Variants in C8orf76 observed in about 807,000 individuals in gnomAD.
The protein encoded by C8orf76 is uncharacterized protein C8orf76.
Under a neutral mutation model 38.1 loss-of-function variants are expected in C8orf76, and 46 were observed. The observed-to-expected ratio is 1.21, with a 90% CI of 0.95 to 1.54. The LOEUF (loss-of-function observed/expected upper bound fraction) is 1.54, where lower values mean the gene tolerates loss of function less well. Among genes scored for constraint, C8orf76 ranks in the 40% most tolerant of loss-of-function variants. C8orf76 has a pLI of 0.00. For missense variants in C8orf76, 461 were observed against 441.6 expected (o/e 1.04, Z -0.39); for synonymous variants, 166 against 167.5 (o/e 0.99, Z 0.07).
In C8orf76 at chr8:123,231,776, G is replaced by T; in HGVS notation, c.358-19C>A. On this transcript the variant is annotated intron_variant, in intron 3 of 5. Coordinates refer to ENST00000276704, the MANE Select transcript of C8orf76 (RefSeq NM_032847.3). ...TATTTTCCTAAGGAGAAAAAAAAAA[G>T]GTTAAGAAGTTTAAACTTCAAAGCA... The T allele has an allele frequency of 6.5e-7, 1 of 1,534,028 alleles. No homozygotes were observed.
rs116312997 is a variant in C8orf76, at chr8:123,221,466, C to T, written c.949-1169G>A. 6.2e-3 allele frequency among the ~76,000 whole-genome samples: 950 copies of T among 152,254 alleles called. 9 individuals are homozygous for T. Among genetic ancestry groups the T allele is most frequent in the African/African-American group, 0.022 (907 of 41,558 alleles). On this transcript the variant is annotated intron_variant, in intron 5 of 5. Transcript: ENST00000276704. ...GTATCATTTTTTTGAGTCAGAGTCT[C>T]GCTCTGTAGCCCAGGATGGAGTACA... is the stretch of plus-strand genomic sequence containing the variant.
intron 5 of C8orf76, among the ~76,000 whole-genome samples, chr8:123,221,994 T>C (rs917045282): frequency 6.6e-6 from 1 of 152,018 alleles, no homozygotes; most frequent in Non-Finnish European, 1.5e-5. Context: ...TTTTCTTTTT[T>C]TTGGGGGGCG....
intron 4 of C8orf76, among the ~76,000 whole-genome samples, chr8:123,229,130 T>C (rs971040384): frequency 6.6e-6 from 1 of 152,242 alleles, no homozygotes; most frequent in Non-Finnish European, 1.5e-5. Flanking sequence ...GACAACACTG[T>C]TCTAGAACGG....
Position 123,241,233 on chromosome 8 carries a change from C to A in C8orf76, c.114G>T (p.Pro38=). ...CGAAGAGGCCCCAGCTTCTCACCTG[C>A]GGCTCGCAGAGCTTGGCGCAGTAGG... ...PASYCAKLCE[P]QWFYEETESS... is the part of the protein sequence containing the mutation. The change falls in exon 1 of 6, where the codon CCG becomes CCT. Residue 38 remains proline, a synonymous_variant. Coordinates refer to ENST00000276704, the MANE Select transcript of C8orf76 (RefSeq NM_032847.3). The A allele has an allele frequency of 6.3e-7, 1 of 1,585,826 alleles. No homozygotes were observed. Among genetic ancestry groups the A allele is most frequent in the South Asian group, 1.1e-5 (1 of 89,482 alleles).
chr8:123,236,579 T>C (rs1158513167), intron 3 of C8orf76, among the ~76,000 whole-genome samples: 1 of 152,056 alleles, frequency 6.6e-6, no homozygotes, highest in African/African-American at 2.4e-5. Context: ...ACAAGGTCAG[T>C]TTGAGACCAG....
At chr8:123,234,741 C>T (rs961634976) in intron 3 of C8orf76, among the ~76,000 whole-genome samples, 2 of 151,824 alleles carry the variant, frequency 1.3e-5, no homozygotes, top group African/African-American at 4.8e-5. Flanking sequence ...TGCACTCCAG[C>T]CTGGGCGACA....
At chr8:123,241,120 C>T in intron 1 of C8orf76, 110 bp downstream of exon 1, 1 of 1,119,082 alleles carries the variant, frequency 8.9e-7, no homozygotes, top group Non-Finnish European at 1.2e-6. Context: ...GGCGCTGGAG[C>T]CTGCCAGGGT....
intron 5 of C8orf76, among the ~76,000 whole-genome samples, chr8:123,221,138 G>A (rs1014065826): frequency 6.6e-6 from 1 of 152,166 alleles, no homozygotes; most frequent in Admixed American, 6.6e-5. Flanking sequence ...CTCAAATAAT[G>A]GTTTTGCGGA....
At position 123,237,854 on chromosome 8, in the gene C8orf76, G is replaced by T; in HGVS notation, c.301C>A (p.Arg101=). ...TGCCTACCCAGGTGAGCCAGACACCGAGCCTGACCTTCCTGGACATCCCTT... is the reference window on the plus strand; with the variant it reads ...TGCCTACCCAGGTGAGCCAGACACCTAGCCTGACCTTCCTGGACATCCCTT... ...MKRDVQEGQA[R]CLAHLGRHME... The change falls in exon 3 of 6, where the codon CGG becomes AGG. Residue 101 remains arginine, a synonymous_variant. Transcript: ENST00000276704. 1 of 1,614,082 alleles carries T rather than the reference G, an allele frequency of 6.2e-7. No individual in the cohort carries two copies. Among genetic ancestry groups the T allele is most frequent in the South Asian group, 1.1e-5 (1 of 91,076 alleles).
At chr8:123,226,655 T>C (rs766286969) in intron 4 of C8orf76, 23 bp from the exon 5 acceptor site, 7 of 1,577,564 alleles carry the variant, frequency 4.4e-6, no homozygotes, top group Non-Finnish European at 5.1e-6. Flanking sequence ...AAAGTCTCAA[T>C]GCGTGGCGAA....
chr8:123,221,065 TCCTGCAAA>T (rs1824884881), intron 5 of C8orf76, among the ~76,000 whole-genome samples: 1 of 152,216 alleles, frequency 6.6e-6, no homozygotes, highest in Admixed American at 6.5e-5. Flanking sequence ...TCTCCAAGGT[TCCTGCAAA>T]CCCGGATATT....
At chr8:123,224,946 G>A (rs145377860) in intron 5 of C8orf76, among the ~76,000 whole-genome samples, 207 of 152,214 alleles carry the variant, frequency 1.4e-3, no homozygotes, top group Non-Finnish European at 1.8e-4. Context: ...AGAATATTCC[G>A]GAAAAGCTTC....
Position 123,226,611 on chromosome 8 carries a change from T to C in C8orf76, c.837A>G (p.Gln279=). The C allele has an allele frequency of 1.3e-6, 2 of 1,599,636 alleles. No homozygotes were observed. The highest frequency in any genetic ancestry group is 1.7e-6 in the Non-Finnish European group (2 of 1,176,668). The change falls in exon 5 of 6, where the codon CAA becomes CAG. Residue 279 remains glutamine (Q), a synonymous_variant. Transcript: ENST00000276704. ...CCAAAGCAAACGATGTTTGCTGAGG[T>C]TGGGTAAACTGAAGCAGAAGCCTGA... is the stretch of plus-strand genomic sequence containing the variant. ...IRTRLLLQFT[Q]PQQTSFALER...
intron 5 of C8orf76, among the ~76,000 whole-genome samples, chr8:123,224,238 C>T (rs1272977743): frequency 6.6e-6 from 1 of 151,764 alleles, no homozygotes; most frequent in East Asian, 1.9e-4. Context: ...AAAAGAATTA[C>T]AAACAGGAAA....
rs1825554112 is a variant in C8orf76, at chr8:123,237,872, C to T, written c.283G>A (p.Val95Ile). The change falls in exon 3 of 6, where the codon GTC (valine) becomes ATC (isoleucine). Residue 95 changes from valine (V) to isoleucine (I), a missense_variant. Transcript: ENST00000276704. ...AGACACCGAGCCTGACCTTCCTGGA[C>T]ATCCCTTTTCATGGCAAAATTGGTT... is the stretch of plus-strand genomic sequence containing the variant. Reference protein sequence around the residue: ...SSTNFAMKRDVQEGQARCLAH... With the variant: ...SSTNFAMKRDIQEGQARCLAH... 1.2e-6 allele frequency: 2 copies of T among 1,614,140 alleles called. No individual in the cohort carries two copies. Among genetic ancestry groups the T allele is most frequent in the Non-Finnish European group, 1.7e-6 (2 of 1,180,008 alleles).
Position 123,231,492 on chromosome 8 carries a change from G to A in C8orf76, c.623C>T (p.Ser208Leu). ...AAAACACAAAAGACAGTCTTTTCCT[G>A]AGTGTGGAAAGAAGGATTTGATAGT... is the stretch of plus-strand genomic sequence containing the variant. ...DKTIKSFFPHSGKDCLLCFPE... is the reference protein window; with the variant it reads ...DKTIKSFFPHLGKDCLLCFPE... Residue 208 changes from serine to leucine, a missense_variant, in exon 4 of 6, where the codon TCA becomes TTA. By Grantham distance (145) the Ser-to-Leu change is moderately radical (BLOSUM62 -2). Transcript: ENST00000276704. The A allele has an allele frequency of 6.2e-7, 1 of 1,614,236 alleles. No homozygotes were observed. The highest frequency in any genetic ancestry group is 8.5e-7 in the Non-Finnish European group (1 of 1,180,044).
chr8:123,235,716 T>G (rs1270082673), intron 3 of C8orf76, among the ~76,000 whole-genome samples: 1 of 152,060 alleles, frequency 6.6e-6, no homozygotes, highest in Non-Finnish European at 1.5e-5. Context: ...ATCGGCTGAT[T>G]GGCAACAGAT....
chr8:123,231,662 G>T lies in C8orf76; in HGVS notation c.453C>A (p.Phe151Leu), dbSNP rs1214504932. The T allele has an allele frequency of 6.2e-7, 1 of 1,613,928 alleles. No individual in the cohort carries two copies. The highest frequency in any genetic ancestry group is 8.5e-7 in the Non-Finnish European group (1 of 1,180,020). The change falls in exon 4 of 6, where the codon TTC becomes TTA. Residue 151 changes from phenylalanine (F) to leucine (L), a missense_variant. By Grantham distance (22) the Phe-to-Leu change is conservative. Transcript: ENST00000276704. ...GCAAAGAAATCAGTTTCTGCAGGCAGAAAATTGTTTTCTCCAAGTTCTGCA... is the reference window on the plus strand; with the variant it reads ...GCAAAGAAATCAGTTTCTGCAGGCATAAAATTGTTTTCTCCAAGTTCTGCA... Reference protein sequence around the residue: ...SSLQNLEKTIFCLQKLISLHP... With the variant: ...SSLQNLEKTILCLQKLISLHP...
intron 5 of C8orf76, among the ~76,000 whole-genome samples, chr8:123,222,087 G>A (rs989442488): frequency 1.4e-4 from 21 of 151,966 alleles, no homozygotes; most frequent in African/African-American, 3.6e-4. Context: ...CTCCTGGATC[G>A]AAGCTATTCT....
Sources: allele counts gnomAD v4.1 joint callset (sites outside exome capture counted in the v4.1 genomes callset), GRCh38; gene constraint gnomAD v4.1.1; transcripts MANE v1.5; gene names NCBI Gene and HGNC (gene_info 2026-07-23, HGNC 2026-07-21).